The following KCND3 variants were observed in gnomAD, a reference collection of about 807,000 sequenced individuals.
KCND3 encodes the protein A-type voltage-gated potassium channel KCND3.
A neutral mutation model predicts 51.1 loss-of-function variants in KCND3; 9 were observed. That is an observed-to-expected ratio of 0.18 (90% CI 0.11 to 0.31). The LOEUF (loss-of-function observed/expected upper bound fraction) is 0.31, where lower values mean the gene tolerates loss of function less well. KCND3 is among the 10% of genes least tolerant of loss of function. KCND3 has a pLI of 1.00. For missense variants in KCND3, 526 were observed against 903.8 expected, an observed-to-expected ratio of 0.58 and a Z score of 5.36; for synonymous variants, 349 against 368.0, an observed-to-expected ratio of 0.95 and a Z score of 0.59.
chr1:111,888,501 G>C (rs1287336361), intron 2 of KCND3, among the ~76,000 whole-genome samples: 1 of 152,036 alleles, frequency 6.6e-6, no homozygotes, highest in African/African-American at 2.4e-5. Flanking sequence ...GGCCAACATG[G>C]AGAAACCCAG....
At chr1:111,901,463 T>C (rs1356562929) in intron 2 of KCND3, among the ~76,000 whole-genome samples, 1 of 152,206 alleles carries the variant, frequency 6.6e-6, no homozygotes, top group African/African-American at 2.4e-5. Context: ...GGGGCAAAAC[T>C]TTCATTTGTT....
At chr1:111,916,191 T>C (rs1671210209) in intron 2 of KCND3, among the ~76,000 whole-genome samples, 1 of 152,212 alleles carries the variant, frequency 6.6e-6, no homozygotes, top group African/African-American at 2.4e-5. Context: ...AAAGTCTTAA[T>C]ATATTGTGAT....
intron 2 of KCND3, among the ~76,000 whole-genome samples, chr1:111,857,791 C>T (rs1406356996): frequency 1.3e-5 from 2 of 151,946 alleles, no homozygotes; most frequent in African/African-American, 2.4e-5. Flanking sequence ...CTTGACTCTC[C>T]ATCTTCTAAT....
At chr1:111,980,235 T>TGTGTGTGTGC (rs1242624336) in intron 2 of KCND3, among the ~76,000 whole-genome samples, 1 of 151,832 alleles carries the variant, frequency 6.6e-6, no homozygotes, top group East Asian at 1.9e-4. Context: ...TGTGTGTGTG[T>TGTGTGTGTGC]GTGGGTTGGA....
At chr1:111,967,705 A>T (rs1674085147) in intron 2 of KCND3, among the ~76,000 whole-genome samples, 1 of 152,254 alleles carries the variant, frequency 6.6e-6, no homozygotes, top group Non-Finnish European at 1.5e-5. Flanking sequence ...GGTAAGGATT[A>T]TCCAGGCTAC....
At chr1:111,921,622 C>T (rs1426617254) in intron 2 of KCND3, among the ~76,000 whole-genome samples, 2 of 152,158 alleles carry the variant, frequency 1.3e-5, no homozygotes, top group Admixed American at 6.5e-5. Context: ...TCTCTCTTCC[C>T]ACCTTTAGGT....
At chr1:111,903,314 C>T (rs1015553517) in intron 2 of KCND3, among the ~76,000 whole-genome samples, 2 of 152,090 alleles carry the variant, frequency 1.3e-5, no homozygotes, top group Admixed American at 6.5e-5. Flanking sequence ...AGGTGGGAGG[C>T]GGAGGAAGGT....
intron 2 of KCND3, among the ~76,000 whole-genome samples, chr1:111,937,789 T>C (rs2101877282): frequency 1.3e-5 from 2 of 152,272 alleles, no homozygotes; most frequent in African/African-American, 4.8e-5. Context: ...AGCCTCTCCA[T>C]CCATTCCCTG....
intron 2 of KCND3, among the ~76,000 whole-genome samples, chr1:111,903,759 C>CTGCT (rs1287309642): frequency 1.3e-5 from 2 of 152,220 alleles, no homozygotes; most frequent in Non-Finnish European, 2.9e-5. Context: ...GACCCATGGG[C>CTGCT]TGCTCCTCCC....
At chr1:111,836,535 T>C (rs576485503) in intron 2 of KCND3, among the ~76,000 whole-genome samples, 1 of 152,314 alleles carries the variant, frequency 6.6e-6, no homozygotes, top group South Asian at 2.1e-4. Flanking sequence ...TCCCTGCACC[T>C]TCTAGGTTTG....
chr1:111,914,255 A>T (rs1387567373), intron 2 of KCND3, among the ~76,000 whole-genome samples: 1 of 141,956 alleles, frequency 7.0e-6, no homozygotes, highest in African/African-American at 2.6e-5. Context: ...AAAATAAAGC[A>T]AAGAAGGAAA....
At position 111,830,674 on chromosome 1, in the gene KCND3, A is replaced by G. The variant is rs150998530; in HGVS notation, c.1107-43568T>C. Among the ~76,000 whole-genome samples, 712 of 152,386 alleles carry G rather than the reference A, an allele frequency of 4.7e-3. 6 individuals are homozygous for G. The highest frequency in any genetic ancestry group is 0.017 in the African/African-American group (688 of 41,590). On this transcript the variant is annotated intron_variant, in intron 2 of 7. Transcript: ENST00000302127. ...ATCAACAGATTGAATGCAGATGCAG[A>G]TGTGAGAATCCAGCTGTCTTCTAAT...
chr1:111,947,523 G>A (rs1672837319), intron 2 of KCND3, among the ~76,000 whole-genome samples: 1 of 152,234 alleles, frequency 6.6e-6, no homozygotes, highest in Non-Finnish European at 1.5e-5. Context: ...GACTTGGAGA[G>A]GTTAAATTAC....
intron 2 of KCND3, among the ~76,000 whole-genome samples, chr1:111,823,627 G>A (rs141884518): frequency 2.0e-5 from 3 of 152,168 alleles, no homozygotes; most frequent in African/African-American, 4.8e-5. Context: ...TTCATTGTGG[G>A]GTGCATTATG....
intron 2 of KCND3, among the ~76,000 whole-genome samples, chr1:111,876,893 A>T (rs1669074480): frequency 6.6e-6 from 1 of 152,208 alleles, no homozygotes; most frequent in South Asian, 2.1e-4. Flanking sequence ...TGCTTCCTCC[A>T]GCATCAAGCC....
intron 2 of KCND3, among the ~76,000 whole-genome samples, chr1:111,897,577 T>C (rs1287750228): frequency 6.6e-6 from 1 of 152,124 alleles, no homozygotes; most frequent in Non-Finnish European, 1.5e-5. Flanking sequence ...GGTATGTGGG[T>C]TTCTGCCTAT....
intron 2 of KCND3, among the ~76,000 whole-genome samples, chr1:111,959,007 G>T (rs1237100477): frequency 6.6e-6 from 1 of 152,178 alleles, no homozygotes; most frequent in Non-Finnish European, 1.5e-5. Flanking sequence ...CCCAATGACA[G>T]ATCCATATAG....
chr1:111,962,693 G>C (rs1266677528), intron 2 of KCND3, among the ~76,000 whole-genome samples: 1 of 152,158 alleles, frequency 6.6e-6, no homozygotes, highest in Non-Finnish European at 1.5e-5. Flanking sequence ...AGTCCACATG[G>C]TTCATGGTTA....
At chr1:111,885,183 G>A (rs1669511111) in intron 2 of KCND3, among the ~76,000 whole-genome samples, 1 of 152,196 alleles carries the variant, frequency 6.6e-6, no homozygotes, top group South Asian at 2.1e-4. Context: ...GGAGGAAGGT[G>A]GGCTGAGAAT....
Sources: allele counts gnomAD v4.1 joint callset (sites outside exome capture counted in the v4.1 genomes callset), GRCh38; gene constraint gnomAD v4.1.1; transcripts MANE v1.5; gene names NCBI Gene and HGNC (gene_info 2026-07-23, HGNC 2026-07-21).